The following RGL4 variants were observed in gnomAD, a reference collection of about 807,000 sequenced individuals.
RGL4 encodes ral guanine nucleotide dissociation stimulator like 4, also known as ral-GDS-related protein.
Under a neutral mutation model 49.6 loss-of-function variants are expected in RGL4, and 41 were observed. The observed-to-expected ratio is 0.83, with a 90% CI of 0.64 to 1.07. The LOEUF is 1.07. Ranked by LOEUF, RGL4 falls within the 50% of genes least tolerant of loss-of-function variation. The pLI, the probability that RGL4 is intolerant of heterozygous loss-of-function variation, is 0.00. For synonymous variants in RGL4, 255 were observed against 238.0 expected, an observed-to-expected ratio of 1.07 and a Z score of -0.66; for missense variants, 610 against 591.9, an observed-to-expected ratio of 1.03 and a Z score of -0.32.
rs767234305 is a variant in RGL4, at chr22:23,692,729, C to T, written c.434C>T (p.Pro145Leu). Reference sequence around the variant, plus strand: ...ATGCCGGCCCTGGAGCCAGCACCACCACTGCTGGCGGACCTGGGGCCTGCT... The same window carrying T: ...ATGCCGGCCCTGGAGCCAGCACCACTACTGCTGGCGGACCTGGGGCCTGCT... ...LTMPALEPAP[P>L]LLADLGPALE... Residue 145 changes from proline to leucine, a missense_variant, in exon 3 of 11, where the codon CCA (proline) becomes CTA (leucine). By Grantham distance (98) the Pro-to-Leu change is moderately conservative (BLOSUM62 -3). Transcript: ENST00000290691. 2 of 1,613,194 alleles carry T rather than the reference C, an allele frequency of 1.2e-6. No individual in the cohort carries two copies. Among genetic ancestry groups the T allele is most frequent in the South Asian group, 2.2e-5 (2 of 91,078 alleles).
intron 3 of RGL4, 60 bp downstream of exon 3, chr22:23,693,051 C>T: frequency 1.3e-6 from 2 of 1,517,102 alleles, no homozygotes; most frequent in Non-Finnish European, 1.8e-6. Flanking sequence ...ACCAGCCTCT[C>T]CCTGAGGAGC....
chr22:23,697,061 T>G (rs541006024), intron 7 of RGL4, 110 bp from the exon 8 acceptor site: 27 of 842,966 alleles, frequency 3.2e-5, no homozygotes, highest in Non-Finnish European at 5.8e-6. Flanking sequence ...GAGGGGGCTC[T>G]GGGAGACAGG....
intron 3 of RGL4, among the ~76,000 whole-genome samples, chr22:23,693,540 T>G (rs1037640795): frequency 3.3e-5 from 5 of 152,100 alleles, no homozygotes; most frequent in African/African-American, 7.2e-5. Context: ...CTTCCCACCC[T>G]TGTTGGGTTC....
At position 23,692,027 on chromosome 22, in the gene RGL4, T is replaced by A; in HGVS notation, c.-4T>A. Reference sequence around the variant, plus strand: ...GGACCAGGGGACCCAGATCTGGAGCTTTGATGAGGAAGCTGCTCACAAATC... The same window carrying A: ...GGACCAGGGGACCCAGATCTGGAGCATTGATGAGGAAGCTGCTCACAAATC... On this transcript the variant is annotated 5_prime_UTR_variant, in exon 1 of 11. Coordinates refer to ENST00000290691, the MANE Select transcript of RGL4 (RefSeq NM_153615.2). The A allele has an allele frequency of 6.2e-7, 1 of 1,613,040 alleles. No individual in the cohort carries two copies. The highest frequency in any genetic ancestry group is 8.5e-7 in the Non-Finnish European group (1 of 1,179,304).
intron 6 of RGL4, among the ~76,000 whole-genome samples, chr22:23,695,741 T>C (rs1221800699): frequency 6.6e-6 from 1 of 152,192 alleles, no homozygotes; most frequent in Non-Finnish European, 1.5e-5. Flanking sequence ...CATACATTGC[T>C]AGGGGATCCT....
At position 23,691,938 on chromosome 22, in the gene RGL4, C is replaced by T. The variant is rs1211570786; in HGVS notation, c.-93C>T. On this transcript the variant is annotated 5_prime_UTR_variant, in exon 1 of 11. Transcript: ENST00000290691. ...ACTGAGAGACCCATCCCCCTCAGCACCGTGGCTTCCCAGCTCTCCCTGTCC... is the reference window on the plus strand; with the variant it reads ...ACTGAGAGACCCATCCCCCTCAGCATCGTGGCTTCCCAGCTCTCCCTGTCC... 4 of 1,387,468 alleles carry T rather than the reference C, an allele frequency of 2.9e-6. No individual in the cohort carries two copies. The highest frequency in any genetic ancestry group is 3.0e-6 in the Non-Finnish European group (3 of 1,003,658). 85.9% of individuals were successfully genotyped at this position (1,387,468 alleles called of 1,614,324 possible).
rs1323569268 is a variant in RGL4 at position 23,698,947 on chromosome 22, C to T, written c.*64C>T. ...TGCTGGCCAGAACACCGGCTCTGCA[C>T]CATCCCTCACCCAGACCGTAGACAC... On this transcript the variant is annotated 3_prime_UTR_variant, in exon 11 of 11. Coordinates refer to ENST00000290691, the MANE Select transcript of RGL4 (RefSeq NM_153615.2). The T allele has an allele frequency of 5.0e-6, 8 of 1,591,648 alleles. No homozygotes were observed. The highest frequency in any genetic ancestry group is 1.3e-5 in the African/African-American group (1 of 74,694).
chr22:23,697,066 G>A lies in RGL4; in HGVS notation c.1162-105G>A, dbSNP rs564074168. On this transcript the variant is annotated intron_variant, in intron 7 of 10. Transcript: ENST00000290691. ...GAGACCTGAGGAGGGGGCTCTGGGA[G>A]ACAGGGGCTGATGGGATTTCATGGG... The A allele has an allele frequency of 1.4e-5, 12 of 869,282 alleles. No individual in the cohort carries two copies. The African/African-American group carries it at 1.9e-4, about 13-fold the overall frequency. 53.8% of individuals were successfully genotyped at this position (869,282 alleles called of 1,614,324 possible).
chr22:23,694,616 G>A (rs1464259816), intron 5 of RGL4, 166 bp downstream of exon 5: 2 of 622,576 alleles, frequency 3.2e-6, no homozygotes, highest in African/African-American at 1.8e-5. Flanking sequence ...TCCTAGGCAA[G>A]GATTTCCAAC....
Position 23,692,795 on chromosome 22 carries a change from A to G in RGL4, c.500A>G (p.Tyr167Cys). ...CCTGCAGCCCTGGGTCCACCAGGAT[A>G]TCTACATTCAGCACCAGGGCCAGCA... ...ESPAALGPPG[Y>C]LHSAPGPAPA... Residue 167 changes from tyrosine to cysteine, a missense_variant, in exon 3 of 11, where the codon TAT becomes TGT. Transcript: ENST00000290691. 2 of 1,613,548 alleles carry G rather than the reference A, an allele frequency of 1.2e-6. No homozygotes were observed. The highest frequency in any genetic ancestry group is 1.7e-6 in the Non-Finnish European group (2 of 1,180,002).
chr22:23,697,381 G>A (rs1256258486), intron 8 of RGL4, 136 bp downstream of exon 8: 3 of 678,352 alleles, frequency 4.4e-6, no homozygotes, highest in East Asian at 2.7e-5. Context: ...TCCTGTGGGT[G>A]GGGGTGTCAG....
chr22:23,693,639 G>C lies in RGL4; in HGVS notation c.697-120G>C, dbSNP rs138385092. 502 of 805,408 alleles carry C rather than the reference G, an allele frequency of 6.2e-4. 3 individuals are homozygous for C. In the African/African-American group the frequency reaches 7.7e-3, roughly 12 times the overall value. The allele number at this position is 805,408 out of a possible 1,614,324, so 49.9% of individuals were successfully genotyped here. On this transcript the variant is annotated intron_variant, in intron 3 of 10. Coordinates refer to ENST00000290691, the MANE Select transcript of RGL4 (RefSeq NM_153615.2). ...TGGAGCCCATTTTAAAGCTTTCTGA[G>C]CTCCAGCTTGGTTCCTGCCAGAGAC...
At position 23,692,840 on chromosome 22, in the gene RGL4, C is replaced by A. The variant is rs1372369832; in HGVS notation, c.545C>A (p.Pro182His). The A allele has an allele frequency of 6.2e-7, 1 of 1,613,520 alleles. No individual in the cohort carries two copies. The highest frequency in any genetic ancestry group is 2.2e-5 in the East Asian group (1 of 44,880). Residue 182 changes from proline to histidine, a missense_variant, in exon 3 of 11, where the codon CCC becomes CAC. Physicochemically the swap from Pro to His is moderately conservative, Grantham distance 77 (BLOSUM62 -2). Coordinates refer to ENST00000290691, the MANE Select transcript of RGL4 (RefSeq NM_153615.2). The part of the protein sequence containing the change: ...PGPAPAPGEG[P>H]PPGTVLEPQS... ...CCAGCACCAGCACCAGGGGAAGGGC[C>A]CCCTCCAGGGACAGTGCTGGAGCCA... is the stretch of plus-strand genomic sequence containing the variant.
Position 23,699,115 on chromosome 22 carries a change from G to A in RGL4, c.*232G>A. On this transcript the variant is annotated 3_prime_UTR_variant, in exon 11 of 11. Coordinates refer to ENST00000290691, the MANE Select transcript of RGL4 (RefSeq NM_153615.2). ...CCATTTTATGTTTATTTTCTTTAGT[G>A]TATAAGTAAGGGTTTTTTCTTAACT... The A allele has an allele frequency of 6.6e-7, 1 of 1,508,444 alleles. No homozygotes were observed. Among genetic ancestry groups the A allele is most frequent in the South Asian group, 1.2e-5 (1 of 80,704 alleles). 93.4% of individuals were successfully genotyped at this position (1,508,444 alleles called of 1,614,324 possible).
intron 5 of RGL4, 123 bp from the exon 6 acceptor site, chr22:23,694,827 G>A: frequency 1.3e-6 from 1 of 769,464 alleles, no homozygotes; most frequent in Middle Eastern, 2.3e-4. Context: ...GTGATCAGAG[G>A]ACTCCACTGA....
rs747588952 is a variant in RGL4 at position 23,696,663 on chromosome 22, AGAT to A, written c.1139_1141del (p.Met380del). On this transcript the variant is annotated inframe_deletion, in exon 7 of 11. Transcript: ENST00000290691. ...CAGGAGAGGAACCCCCAGAGAGTCC[AGAT>A]GAGGCTGCGGAGGCAGAAGAAGGTG... The A allele has an allele frequency of 1.2e-6, 2 of 1,613,454 alleles. No individual in the cohort carries two copies. Among genetic ancestry groups the A allele is most frequent in the Non-Finnish European group, 1.7e-6 (2 of 1,179,804 alleles).
In RGL4 at chr22:23,695,038, G is replaced by C; in HGVS notation, c.1086+19G>C. On this transcript the variant is annotated intron_variant, in intron 6 of 10. Transcript: ENST00000290691. Reference sequence around the variant, plus strand: ...GATCAAGGTACAGTGGAGTCTGGGAGATGCAGGACAAGTGTTTAAGGGTCA... The same window carrying C: ...GATCAAGGTACAGTGGAGTCTGGGACATGCAGGACAAGTGTTTAAGGGTCA... 6.3e-7 allele frequency: 1 copy of C among 1,575,718 alleles called. No individual in the cohort carries two copies. The highest frequency in any genetic ancestry group is 8.7e-7 in the Non-Finnish European group (1 of 1,145,266).
intron 6 of RGL4, chr22:23,695,222 A>G: frequency 1.9e-6 from 1 of 519,728 alleles, no homozygotes; most frequent in Non-Finnish European, 3.5e-6. Flanking sequence ...ACGTGGGGGC[A>G]TGGGGGCAGG....
intron 8 of RGL4, 68 bp from the exon 9 acceptor site, chr22:23,697,770 T>G (rs2123863892): frequency 2.6e-6 from 4 of 1,525,888 alleles, no homozygotes; most frequent in Non-Finnish European, 3.6e-6. Flanking sequence ...TAGTGCAGCA[T>G]GGGAAGGGGT....
Sources: allele counts gnomAD v4.1 joint callset (sites outside exome capture counted in the v4.1 genomes callset), GRCh38; gene constraint gnomAD v4.1.1; transcripts MANE v1.5; gene names NCBI Gene and HGNC (gene_info 2026-07-23, HGNC 2026-07-21).